Variants in SHISA9 observed in about 807,000 individuals in gnomAD.
The protein encoded by SHISA9 is protein shisa-9.
SHISA9 carries 13 observed loss-of-function variants against 38.0 expected under a neutral mutation model. The observed-to-expected ratio is 0.34, with a 90% CI of 0.22 to 0.54. The LOEUF (loss-of-function observed/expected upper bound fraction) is 0.54. Among genes scored for constraint, SHISA9 ranks in the 20% least tolerant of loss-of-function variants. The pLI, the probability that SHISA9 is intolerant of heterozygous loss-of-function variation, is 0.91. For missense variants in SHISA9, 538 were observed against 575.8 expected, an observed-to-expected ratio of 0.93 and a Z score of 0.67; for synonymous variants, 275 against 242.0, an observed-to-expected ratio of 1.14 and a Z score of -1.27.
chr16:13,425,055 C>T, the SHISA9 span, among the ~76,000 whole-genome samples: 1 of 152,212 alleles, frequency 6.6e-6, no homozygotes, highest in Non-Finnish European at 1.5e-5. Flanking sequence ...TTTGCAGCAA[C>T]ATAGTTGCAG....
chr16:13,018,614 G>A (rs917929576), intron 2 of SHISA9, among the ~76,000 whole-genome samples: 12 of 152,208 alleles, frequency 7.9e-5, no homozygotes, highest in African/African-American at 2.9e-4. Flanking sequence ...TCAGTGCCTT[G>A]TTTCCATCTC....
rs2072445684 is a variant in SHISA9, at chr16:12,995,408, ACT to A, written c.691+78595_691+78596del. On this transcript the variant is annotated intron_variant, in intron 2 of 4. Coordinates refer to ENST00000558583, the MANE Select transcript of SHISA9 (RefSeq NM_001145204.3). ...CTGAGAAAGCAGGTGCCTTGGCCAC[ACT>A]CATGGAGAGGCTGACTCAATAGGCA... Among the ~76,000 whole-genome samples, 3 of 152,290 alleles carry A rather than the reference ACT, an allele frequency of 2.0e-5. No individual in the cohort carries two copies. The South Asian group carries it at 6.2e-4, about 32-fold the overall frequency.
the SHISA9 span, among the ~76,000 whole-genome samples, chr16:13,255,686 T>A: frequency 3.3e-5 from 5 of 152,208 alleles, no homozygotes; most frequent in African/African-American, 7.2e-5. Flanking sequence ...TTCTTGAACA[T>A]TAATTCTACC....
At chr16:13,171,320 G>T (rs2050684239) in intron 2 of SHISA9, among the ~76,000 whole-genome samples, 2 of 152,146 alleles carry the variant, frequency 1.3e-5, no homozygotes, top group Non-Finnish European at 2.9e-5. Flanking sequence ...ATTTGGGGCA[G>T]GGGAGAAAAC....
the SHISA9 span, among the ~76,000 whole-genome samples, chr16:13,391,133 A>G: frequency 6.6e-6 from 1 of 152,214 alleles, no homozygotes; most frequent in Admixed American, 6.5e-5. Context: ...AGATAGAGTG[A>G]CATTCACTGA....
the SHISA9 span, among the ~76,000 whole-genome samples, chr16:13,312,886 A>T: frequency 2.0e-5 from 3 of 152,216 alleles, no homozygotes; most frequent in Non-Finnish European, 4.4e-5. Context: ...AACCAACTAA[A>T]AGAAAAATTA....
chr16:13,437,864 CTT>C, the SHISA9 span, among the ~76,000 whole-genome samples: 49,767 of 104,332 alleles, frequency 0.48, 9,840 homozygotes, highest in African/African-American at 0.53. Context: ...CTTTTTTTTT[CTT>C]TTTTTTTTTT....
the SHISA9 span, among the ~76,000 whole-genome samples, chr16:13,553,748 C>G: frequency 2.6e-5 from 4 of 152,144 alleles, no homozygotes; most frequent in African/African-American, 9.7e-5. Flanking sequence ...AAACCTTAAC[C>G]ATCCCTTCGC....
the SHISA9 span, among the ~76,000 whole-genome samples, chr16:13,302,642 A>G: frequency 2.0e-5 from 3 of 152,282 alleles, no homozygotes; most frequent in African/African-American, 4.8e-5. Flanking sequence ...GCTGTCTTCT[A>G]TCCCCCAGGA....
chr16:13,256,406 C>G, the SHISA9 span, among the ~76,000 whole-genome samples: 2 of 152,210 alleles, frequency 1.3e-5, no homozygotes, highest in Non-Finnish European at 2.9e-5. Context: ...CTCCGCCTCT[C>G]AAGTAGCTGG....
intron 2 of SHISA9, among the ~76,000 whole-genome samples, chr16:13,140,956 G>A (rs75195030): frequency 2.0e-3 from 307 of 152,272 alleles, no homozygotes; most frequent in African/African-American, 7.2e-3. Context: ...GGAGAATGGA[G>A]GATGCTGAAC....
chr16:13,142,840 G>A (rs2050413119), intron 2 of SHISA9, among the ~76,000 whole-genome samples: 1 of 152,044 alleles, frequency 6.6e-6, no homozygotes, highest in Non-Finnish European at 1.5e-5. Context: ...GAGGGGACAT[G>A]ATTCAGGATG....
At chr16:13,473,348 T>A in the SHISA9 span, among the ~76,000 whole-genome samples, 1 of 136,972 alleles carries the variant, frequency 7.3e-6, no homozygotes, top group Non-Finnish European at 1.6e-5. Flanking sequence ...TTTCTTTCTT[T>A]CTTTTTTTTT....
In SHISA9 at chr16:12,969,542, G is replaced by A. The variant is rs558450455; in HGVS notation, c.691+52727G>A. Among the ~76,000 whole-genome samples, 11 of 152,124 alleles carry A rather than the reference G, an allele frequency of 7.2e-5. No homozygotes were observed. In the South Asian group the frequency reaches 1.2e-3, roughly 17 times the overall value. The stretch of plus-strand genomic sequence containing the variant: ...GTGGATCCCCTGAGGCCAGGAGTTC[G>A]AGACCAGCCCTGGGTAACATGGTGA... On this transcript the variant is annotated intron_variant, in intron 2 of 4. Coordinates refer to ENST00000558583, the MANE Select transcript of SHISA9 (RefSeq NM_001145204.3).
At chr16:13,070,024 G>A (rs988797369) in intron 2 of SHISA9, among the ~76,000 whole-genome samples, 1 of 151,994 alleles carries the variant, frequency 6.6e-6, no homozygotes, top group African/African-American at 2.4e-5. Context: ...AGCTCACGTG[G>A]ACTAAGAGAA....
chr16:13,055,591 C>G (rs954712174), intron 2 of SHISA9, among the ~76,000 whole-genome samples: 1 of 152,134 alleles, frequency 6.6e-6, no homozygotes, highest in African/African-American at 2.4e-5. Flanking sequence ...GTAACTTTGT[C>G]AGACCCATTG....
At chr16:13,010,024 A>G (rs1021973151) in intron 2 of SHISA9, among the ~76,000 whole-genome samples, 1 of 152,116 alleles carries the variant, frequency 6.6e-6, no homozygotes, top group African/African-American at 2.4e-5. Context: ...ATCAAATAAA[A>G]AAAATTAGCT....
chr16:13,258,168 A>G, the SHISA9 span, among the ~76,000 whole-genome samples: 1 of 152,212 alleles, frequency 6.6e-6, no homozygotes, highest in South Asian at 2.1e-4. Flanking sequence ...TGGACACAGT[A>G]AAGGTTTGAT....
chr16:13,165,748 G>A (rs1011019384), intron 2 of SHISA9, among the ~76,000 whole-genome samples: 4 of 152,200 alleles, frequency 2.6e-5, no homozygotes, highest in African/African-American at 9.7e-5. Context: ...GCTGATCAGT[G>A]AGTAAAGTCC....
Sources: allele counts gnomAD v4.1 joint callset (sites outside exome capture counted in the v4.1 genomes callset), GRCh38; gene constraint gnomAD v4.1.1; transcripts MANE v1.5; gene names NCBI Gene and HGNC (gene_info 2026-07-23, HGNC 2026-07-21).